Variants in GPHN observed in about 807,000 individuals in gnomAD.
The protein encoded by GPHN is gephyrin.
Under a neutral mutation model 95.5 loss-of-function variants are expected in GPHN, and 17 were observed. The observed-to-expected ratio is 0.18, with a 90% CI of 0.12 to 0.27. The LOEUF is 0.27. GPHN is among the 10% of genes least tolerant of loss of function. The probability of loss-of-function intolerance (pLI) is 1.00; values close to 1 mark genes in which losing one functional copy is unlikely to be tolerated. For synonymous variants in GPHN, 320 were observed against 322.5 expected (o/e 0.99, Z 0.08); for missense variants, 660 against 978.1 (o/e 0.67, Z 4.34).
the GPHN span, among the ~76,000 whole-genome samples, chr14:67,680,216 A>G: frequency 6.6e-6 from 1 of 152,236 alleles, no homozygotes; most frequent in Non-Finnish European, 1.5e-5. Context: ...AACAAGTCTT[A>G]TCAGTACTTC....
intron 4 of GPHN, among the ~76,000 whole-genome samples, chr14:66,857,164 T>C (rs529469875): frequency 3.0e-4 from 46 of 152,064 alleles, no homozygotes; most frequent in African/African-American, 1.0e-3. Context: ...CATAGAGAGA[T>C]TATATGATGG....
intron 1 of GPHN, among the ~76,000 whole-genome samples, chr14:66,519,597 A>C (rs1367390880): frequency 1.3e-5 from 2 of 152,150 alleles, no homozygotes. Flanking sequence ...CATAAGATAG[A>C]ACATGCGTTC....
chr14:67,585,491 CTTCT>C, the GPHN span: 2 of 988,364 alleles, frequency 2.0e-6, no homozygotes, highest in Admixed American at 2.2e-5. Flanking sequence ...CTGGATGTGC[CTTCT>C]TTCTCAGAAA....
chr14:67,622,123 G>T, the GPHN span, among the ~76,000 whole-genome samples: 2 of 152,052 alleles, frequency 1.3e-5, no homozygotes, highest in African/African-American at 4.8e-5. Context: ...TGGCAGGAAG[G>T]TTCTTCTTTA....
At chr14:67,363,238 G>C in the GPHN span, among the ~76,000 whole-genome samples, 1 of 150,320 alleles carries the variant, frequency 6.7e-6, no homozygotes, top group Non-Finnish European at 1.5e-5. Context: ...GTTTAAAAAC[G>C]AAACAAACAG....
intron 2 of GPHN, among the ~76,000 whole-genome samples, chr14:66,690,099 C>T (rs2153406102): frequency 6.6e-6 from 1 of 151,188 alleles, no homozygotes; most frequent in South Asian, 2.1e-4. Flanking sequence ...ACAGTTTGTT[C>T]TTGATTTTCT....
chr14:67,199,845 C>G, the GPHN span: 3 of 1,497,656 alleles, frequency 2.0e-6, no homozygotes, highest in Middle Eastern at 3.9e-4. Context: ...CCAGCCATGC[C>G]CCACCACCTA....
the GPHN span, chr14:67,222,079 CT>C: frequency 1.0e-5 from 4 of 390,122 alleles, no homozygotes; most frequent in African/African-American, 2.1e-5. Context: ...TCCCAGTTCC[CT>C]GTATCTAAAT....
the GPHN span, among the ~76,000 whole-genome samples, chr14:67,728,703 T>TGGGGGG: frequency 1.5e-4 from 21 of 142,018 alleles, no homozygotes; most frequent in African/African-American, 1.9e-4. Context: ...GGATATCTTG[T>TGGGGGG]GGGGGGGGGG....
At chr14:67,058,527 T>C (rs1459590784) in intron 10 of GPHN, 122 bp from the exon 11 acceptor site, 1 of 857,300 alleles carries the variant, frequency 1.2e-6, no homozygotes, top group East Asian at 2.5e-5. Flanking sequence ...GAGAAACAGT[T>C]TCTTACCTGC....
At chr14:67,651,380 G>GAAGT in the GPHN span, 2 of 1,613,644 alleles carry the variant, frequency 1.2e-6, no homozygotes, top group Non-Finnish European at 1.7e-6. Context: ...CTTCCCTATA[G>GAAGT]AAGTTCAATG....
At chr14:66,770,621 G>A (rs1175605524) in intron 2 of GPHN, among the ~76,000 whole-genome samples, 1 of 152,088 alleles carries the variant, frequency 6.6e-6, no homozygotes, top group African/African-American at 2.4e-5. Context: ...AAATGTGCAT[G>A]TTTATTGATT....
chr14:67,359,847 C>T, the GPHN span: 1 of 814,172 alleles, frequency 1.2e-6, no homozygotes, highest in Non-Finnish European at 1.9e-6. Context: ...CAGGGACACC[C>T]ATTTTCACTT....
intron 9 of GPHN, among the ~76,000 whole-genome samples, chr14:67,006,486 T>C (rs1344648602): frequency 6.6e-6 from 1 of 152,192 alleles, no homozygotes; most frequent in Admixed American, 6.5e-5. Flanking sequence ...AATGTTCTTG[T>C]TGAGAATCAT....
intron 3 of GPHN, among the ~76,000 whole-genome samples, chr14:66,815,293 A>G (rs1363363407): frequency 6.6e-6 from 1 of 152,222 alleles, no homozygotes; most frequent in Admixed American, 6.5e-5. Context: ...AGAGGCCAAC[A>G]TTCAAATTCA....
chr14:66,987,094 C>T (rs989178678), intron 9 of GPHN, among the ~76,000 whole-genome samples: 3 of 152,020 alleles, frequency 2.0e-5, no homozygotes, highest in African/African-American at 7.2e-5. Flanking sequence ...GTGCCTATTT[C>T]AAAAACTAGG....
chr14:66,918,514 C>T (rs996413722), intron 6 of GPHN, among the ~76,000 whole-genome samples: 5 of 152,070 alleles, frequency 3.3e-5, no homozygotes, highest in African/African-American at 1.2e-4. Context: ...TCAAAGTGGC[C>T]ACAAGATTAT....
At chr14:66,652,011 C>A (rs1049668378) in intron 1 of GPHN, among the ~76,000 whole-genome samples, 1 of 152,146 alleles carries the variant, frequency 6.6e-6, no homozygotes, top group Middle Eastern at 3.4e-3. Context: ...CCCCAGTTCA[C>A]GGAAACATTG....
At chr14:67,178,072 A>G (rs550190438) in intron 21 of GPHN, among the ~76,000 whole-genome samples, 25 of 152,266 alleles carry the variant, frequency 1.6e-4, no homozygotes, top group South Asian at 1.2e-3. Flanking sequence ...TTTAAGGTTA[A>G]TATTGTTATG....
Sources: allele counts gnomAD v4.1 joint callset (sites outside exome capture counted in the v4.1 genomes callset), GRCh38; gene constraint gnomAD v4.1.1; transcripts MANE v1.5; gene names NCBI Gene and HGNC (gene_info 2026-07-23, HGNC 2026-07-21).